The following CTNNA2 variants were observed in gnomAD, a reference collection of about 807,000 sequenced individuals.
CTNNA2 encodes the protein catenin alpha-2.
A neutral mutation model predicts 101.0 loss-of-function variants in CTNNA2; 42 were observed. That is an observed-to-expected ratio of 0.42 (90% CI 0.32 to 0.54). CTNNA2 has a LOEUF of 0.54. Among genes scored for constraint, CTNNA2 ranks in the 20% least tolerant of loss-of-function variants. CTNNA2 has a pLI of 0.14. For missense variants in CTNNA2, 871 were observed against 1,223.1 expected (o/e 0.71, Z 4.29); for synonymous variants, 450 against 456.4 (o/e 0.99, Z 0.18).
chr2:80,291,745 A>C (rs1675271242), intron 7 of CTNNA2, among the ~76,000 whole-genome samples: 1 of 152,208 alleles, frequency 6.6e-6, no homozygotes, highest in South Asian at 2.1e-4. Flanking sequence ...ATGTGGAAAC[A>C]GTTTTTCCAC....
At chr2:80,622,380 T>C (rs1671227133) in intron 18 of CTNNA2, among the ~76,000 whole-genome samples, 1 of 151,950 alleles carries the variant, frequency 6.6e-6, no homozygotes, top group South Asian at 2.1e-4. Flanking sequence ...AGATCATCAT[T>C]TGGGGGTATC....
At chr2:79,878,261 G>A (rs1574206561) in intron 6 of CTNNA2, among the ~76,000 whole-genome samples, 1 of 152,168 alleles carries the variant, frequency 6.6e-6, no homozygotes, top group Admixed American at 6.5e-5. Context: ...ATTGTAAATA[G>A]TGCTGCAGTA....
At chr2:79,507,161 A>C (rs1558685650) in intron 5 of CTNNA2, among the ~76,000 whole-genome samples, 1 of 152,150 alleles carries the variant, frequency 6.6e-6, no homozygotes, top group Non-Finnish European at 1.5e-5. Context: ...TGCCATCTGA[A>C]AAATAAGGAG....
At position 80,395,991 on chromosome 2, in the gene CTNNA2, C is replaced by A. The variant is rs528588173; in HGVS notation, c.1137+2700C>A. On this transcript the variant is annotated intron_variant, in intron 8 of 18. Transcript: ENST00000402739. ...TGGGCAGTGCTTTTCAGAAGGGTGA[C>A]CCTGGAGCCTTGAAAAGTTTTAGCC... is the stretch of plus-strand genomic sequence containing the variant. 5.8e-4 allele frequency among the ~76,000 whole-genome samples: 89 copies of A among 152,232 alleles called. 1 individual carries two copies. In the South Asian group the frequency reaches 0.018, roughly 30 times the overall value.
intron 9 of CTNNA2, among the ~76,000 whole-genome samples, chr2:80,429,155 C>T (rs1681256818): frequency 6.6e-6 from 1 of 151,794 alleles, no homozygotes; most frequent in Non-Finnish European, 1.5e-5. Context: ...TAAACCCTAC[C>T]ATATTTTGTA....
chr2:79,835,683 T>TTTTTTTTTGTTTGTTTG lies in CTNNA2; in HGVS notation c.299-22322_299-22321insGTTTGTTTGTTTTTTTT, dbSNP rs1558565779. 4.0e-3 allele frequency among the ~76,000 whole-genome samples: 516 copies of TTTTTTTTTGTTTGTTTG among 129,704 alleles called. 11 individuals carry two copies. The highest frequency in any genetic ancestry group is 0.015 in the African/African-American group (494 of 32,374). 85.1% of individuals were successfully genotyped at this position (129,704 alleles called of 152,430 possible). On this transcript the variant is annotated intron_variant, in intron 3 of 18. Coordinates refer to ENST00000402739, the MANE Select transcript of CTNNA2 (RefSeq NM_001282597.3). The stretch of plus-strand genomic sequence containing the variant: ...CTCTCTTTGTTTTTTTTTTTTTTTT[T>TTTTTTTTTGTTTGTTTG]TTTTTTTTTTTTTTTTTTTTGAGAC...
chr2:80,450,670 G>A (rs1683424129), intron 9 of CTNNA2, among the ~76,000 whole-genome samples: 1 of 152,124 alleles, frequency 6.6e-6, no homozygotes, highest in African/African-American at 2.4e-5. Context: ...AACCAAAGGA[G>A]GGACATTCAG....
intron 4 of CTNNA2, among the ~76,000 whole-genome samples, chr2:79,448,297 T>TA (rs1472264179): frequency 6.6e-6 from 1 of 152,042 alleles, no homozygotes; most frequent in Non-Finnish European, 1.5e-5. Context: ...ATAATATCTG[T>TA]AGTCTTTATG....
intron 3 of CTNNA2, among the ~76,000 whole-genome samples, chr2:79,785,464 G>GT (rs1358192786): frequency 2.6e-5 from 4 of 152,136 alleles, no homozygotes; most frequent in Non-Finnish European, 5.9e-5. Flanking sequence ...CTCTGCTGTA[G>GT]TTTTTTCTTA....
chr2:79,957,696 A>G (rs1689335687), intron 7 of CTNNA2, among the ~76,000 whole-genome samples: 1 of 152,252 alleles, frequency 6.6e-6, no homozygotes, highest in South Asian at 2.1e-4. Flanking sequence ...CCTGCACTGG[A>G]TTCTCATTCC....
At chr2:80,296,109 A>G (rs1675717395) in intron 7 of CTNNA2, among the ~76,000 whole-genome samples, 5 of 152,094 alleles carry the variant, frequency 3.3e-5, no homozygotes, top group Admixed American at 3.3e-4. Flanking sequence ...TATGGGGTAC[A>G]TGAGATATTT....
At chr2:79,621,043 T>C (rs1678964451) in intron 1 of CTNNA2, among the ~76,000 whole-genome samples, 1 of 152,162 alleles carries the variant, frequency 6.6e-6, no homozygotes, top group Admixed American at 6.6e-5. Flanking sequence ...ACAGTACCCA[T>C]CACAGTGGTG....
chr2:79,335,532 G>A (rs945460189), intron 3 of CTNNA2, among the ~76,000 whole-genome samples: 1 of 152,034 alleles, frequency 6.6e-6, no homozygotes, highest in Non-Finnish European at 1.5e-5. Context: ...TTCCTTCCAG[G>A]TAAAATTTAC....
intron 3 of CTNNA2, among the ~76,000 whole-genome samples, chr2:79,762,201 A>C (rs2105091432): frequency 6.6e-6 from 1 of 152,280 alleles, no homozygotes; most frequent in East Asian, 1.9e-4. Flanking sequence ...AAGAAGAGGA[A>C]GAATGGAGAC....
At chr2:80,336,771 G>T (rs1671795303) in intron 7 of CTNNA2, among the ~76,000 whole-genome samples, 1 of 152,186 alleles carries the variant, frequency 6.6e-6, no homozygotes, top group Admixed American at 6.5e-5. Context: ...TTAGACTATA[G>T]TTTTAAAAGC....
At chr2:80,312,930 C>T (rs1283917061) in intron 7 of CTNNA2, among the ~76,000 whole-genome samples, 1 of 152,202 alleles carries the variant, frequency 6.6e-6, no homozygotes, top group Non-Finnish European at 1.5e-5. Flanking sequence ...GTTTTCTCTT[C>T]TCTTAGTGCA....
chr2:80,638,040 C>A (rs1465261938), intron 18 of CTNNA2, among the ~76,000 whole-genome samples: 2 of 152,118 alleles, frequency 1.3e-5, no homozygotes, highest in East Asian at 3.9e-4. Flanking sequence ...CTCATGGGTT[C>A]CTAGATAATT....
chr2:80,229,216 C>T (rs1294404596), intron 7 of CTNNA2, among the ~76,000 whole-genome samples: 1 of 152,066 alleles, frequency 6.6e-6, no homozygotes, highest in African/African-American at 2.4e-5. Flanking sequence ...ATTTTTCATA[C>T]CAGGTATTTC....
chr2:79,544,087 G>A lies in CTNNA2; in HGVS notation c.-6+30880G>A, dbSNP rs79300258. ...TGAGTAGCTGAGACTACAGGCGTGC[G>A]CCACCACACTGGGCTAATTTTTGTA... is the stretch of plus-strand genomic sequence containing the variant. On this transcript the variant is annotated intron_variant, in intron 1 of 18. Transcript: ENST00000402739. 7.1e-3 allele frequency among the ~76,000 whole-genome samples: 1,074 copies of A among 152,210 alleles called. 10 individuals carry two copies. The highest frequency in any genetic ancestry group is 0.022 in the African/African-American group (896 of 41,542).
Sources: allele counts gnomAD v4.1 joint callset (sites outside exome capture counted in the v4.1 genomes callset), GRCh38; gene constraint gnomAD v4.1.1; transcripts MANE v1.5; gene names NCBI Gene and HGNC (gene_info 2026-07-23, HGNC 2026-07-21).